The following TTC23L variants were observed in gnomAD, a reference collection of about 807,000 sequenced individuals.
TTC23L encodes the protein tetratricopeptide repeat protein 23-like.
A neutral mutation model predicts 48.1 loss-of-function variants in TTC23L; 42 were observed. The observed-to-expected ratio is 0.87, with a 90% CI of 0.68 to 1.13. The LOEUF is 1.13. TTC23L is among the 50% of genes most tolerant of loss of function. The pLI is 0.00. For synonymous variants in TTC23L, 159 were observed against 157.2 expected (o/e 1.01, Z -0.09); for missense variants, 391 against 421.0 (o/e 0.93, Z 0.62).
the TTC23L span, chr5:34,908,307 G>A: frequency 6.6e-6 from 1 of 152,110 alleles, no homozygotes; most frequent in Middle Eastern, 3.4e-3. Flanking sequence ...CCGAGTAGCT[G>A]GCATTACAGG....
the TTC23L span, chr5:34,918,817 C>CTTTTTTTTT: frequency 1.5e-5 from 2 of 132,334 alleles, no homozygotes; most frequent in Non-Finnish European, 1.6e-5. Flanking sequence ...CTTTTTGGGC[C>CTTTTTTTTT]TTTTTTTTTT....
Position 34,840,814 on chromosome 5 carries a change from C to G in TTC23L, c.68+75C>G. On this transcript the variant is annotated intron_variant, in intron 2 of 10. Transcript: ENST00000505624. ...CTGGGACCTCCTGCTTAAGGCAAAC[C>G]TGGGTGAGGAGCTTTGCATGAGAAG... 7 of 1,367,114 alleles carry G rather than the reference C, an allele frequency of 5.1e-6. No homozygotes were observed. In the South Asian group the frequency reaches 7.0e-5, roughly 14 times the overall value. 84.7% of individuals were successfully genotyped at this position (1,367,114 alleles called of 1,614,324 possible).
chr5:34,902,984 A>G (rs140034474), downstream of TTC23L, among the ~76,000 whole-genome samples: 875 of 152,110 alleles, frequency 5.8e-3, 7 homozygotes, highest in African/African-American at 0.02. Flanking sequence ...AAAATACCAG[A>G]AAGAAATGGC....
exon 8 of TTC23L, chr5:34,868,978 A>C: frequency 6.2e-7 from 1 of 1,610,578 alleles, no homozygotes; most frequent in Non-Finnish European, 8.5e-7. Flanking sequence ...TTACTGGCCA[A>C]AGCTTATGCC....
At chr5:34,865,562 T>A (rs941954650) in intron 6 of TTC23L, among the ~76,000 whole-genome samples, 3 of 152,230 alleles carry the variant, frequency 2.0e-5, no homozygotes, top group Non-Finnish European at 4.4e-5. Context: ...TTCTCCAGTA[T>A]TTATTGAATA....
chr5:34,923,597 T>TA, the TTC23L span, among the ~76,000 whole-genome samples: 3 of 151,998 alleles, frequency 2.0e-5, no homozygotes, highest in Admixed American at 6.6e-5. Flanking sequence ...TTTTTAGAGA[T>TA]AGAGTGTCGC....
chr5:34,915,907 GA>G, the TTC23L span: 1 of 1,545,164 alleles, frequency 6.5e-7, no homozygotes, highest in South Asian at 1.2e-5. Context: ...GGTAGGAGGG[GA>G]TGTCCCCGGG....
chr5:34,877,608 G>A lies in TTC23L; in HGVS notation c.950-2573G>A, dbSNP rs1447853079. 1.1e-4 allele frequency among the ~76,000 whole-genome samples: 16 copies of A among 152,082 alleles called. 1 individual carries two copies. The South Asian group carries it at 2.7e-3, about 26-fold the overall frequency. ...CTGGCTAATTTTTGTATTTTTAGTAGAGACGGGGTTTCACCATGTTGGCCA... is the reference window on the plus strand; with the variant it reads ...CTGGCTAATTTTTGTATTTTTAGTAAAGACGGGGTTTCACCATGTTGGCCA... On this transcript the variant is annotated intron_variant, in intron 8 of 10. Transcript: ENST00000505624.
intron 4 of TTC23L, among the ~76,000 whole-genome samples, chr5:34,855,886 G>C (rs1227482811): frequency 6.6e-6 from 1 of 152,174 alleles, no homozygotes; most frequent in Non-Finnish European, 1.5e-5. Context: ...CTTAGAGGGT[G>C]GTTGGGGACA....
chr5:34,881,767 GTT>G (rs562919287), intron 9 of TTC23L, among the ~76,000 whole-genome samples: 180 of 133,752 alleles, frequency 1.3e-3, no homozygotes, highest in African/African-American at 4.4e-3. Context: ...TTAGAAGACT[GTT>G]TTTTTTTTTT....
At chr5:34,884,480 T>G (rs1381541935) in intron 9 of TTC23L, among the ~76,000 whole-genome samples, 1 of 151,950 alleles carries the variant, frequency 6.6e-6, no homozygotes, top group Non-Finnish European at 1.5e-5. Flanking sequence ...TATTTCTGTT[T>G]GCAGAATGAC....
chr5:34,923,472 T>G, the TTC23L span: 1 of 473,964 alleles, frequency 2.1e-6, no homozygotes, highest in East Asian at 3.7e-5. Context: ...GAGACGGGGT[T>G]TCGCCATGTT....
chr5:34,863,860 CCT>C lies in TTC23L; in HGVS notation c.537-572_537-571del, dbSNP rs1463503512. ...CCCCAGTCTCCTCTCTACACATCCCCCTCTCTACTTTTTTGGTCCTAATGTTC... is the reference window on the plus strand; with the variant it reads ...CCCCAGTCTCCTCTCTACACATCCCCCTCTACTTTTTTGGTCCTAATGTTC... On this transcript the variant is annotated intron_variant, in intron 5 of 10. Transcript: ENST00000505624. This position sits in a 1 kb window ranked among gnomAD's most constrained non-coding sequence, Gnocchi z 4.1. Among the ~76,000 whole-genome samples the C allele has an allele frequency of 2.6e-5, 4 of 152,208 alleles. No homozygotes were observed. Among genetic ancestry groups the C allele is most frequent in the African/African-American group, 9.6e-5 (4 of 41,458 alleles).
the TTC23L span, among the ~76,000 whole-genome samples, chr5:34,924,364 A>G: frequency 2.0e-5 from 3 of 152,230 alleles, no homozygotes; most frequent in Non-Finnish European, 2.9e-5. Context: ...GATAACATAA[A>G]TATTTGTTGT....
At chr5:34,891,225 T>C (rs1410437680) in intron 9 of TTC23L, among the ~76,000 whole-genome samples, 3 of 152,214 alleles carry the variant, frequency 2.0e-5, no homozygotes, top group Admixed American at 2.0e-4. Flanking sequence ...TATTGTTTTA[T>C]ATTAAGAGTA....
At chr5:34,903,392 C>A (rs1222458850), downstream of TTC23L, among the ~76,000 whole-genome samples, 4 of 152,224 alleles carry the variant, frequency 2.6e-5, no homozygotes, top group East Asian at 7.7e-4. Flanking sequence ...TTACCCCCTA[C>A]CTGCACACAT....
the TTC23L span, chr5:34,924,771 T>A: frequency 1.1e-6 from 1 of 911,614 alleles, no homozygotes; most frequent in South Asian, 1.7e-5. Flanking sequence ...GGCACATTTA[T>A]AATGAGGTTA....
intron 9 of TTC23L, among the ~76,000 whole-genome samples, chr5:34,882,070 A>T (rs1017110920): frequency 2.0e-5 from 3 of 152,174 alleles, no homozygotes; most frequent in African/African-American, 7.2e-5. Context: ...GAAGATTAAC[A>T]TGAGATCCCA....
the TTC23L span, chr5:34,913,964 C>G: frequency 6.6e-6 from 3 of 457,156 alleles, no homozygotes; most frequent in Non-Finnish European, 1.3e-5. Flanking sequence ...AAGCGATCTT[C>G]GTGCTTCAGC....
Sources: allele counts gnomAD v4.1 joint callset (sites outside exome capture counted in the v4.1 genomes callset), GRCh38; gene constraint gnomAD v4.1.1; non-coding constraint Gnocchi (gnomAD v3.1); transcripts MANE v1.5; gene names NCBI Gene and HGNC (gene_info 2026-07-23, HGNC 2026-07-21).